The following HECW2 variants were observed in gnomAD, a reference collection of about 807,000 sequenced individuals.
The protein encoded by HECW2 is E3 ubiquitin-protein ligase HECW2.
A neutral mutation model predicts 175.2 loss-of-function variants in HECW2; 61 were observed. The observed-to-expected ratio is 0.35, with a 90% confidence interval of 0.28 to 0.43. The LOEUF is 0.43. Among genes scored for constraint, HECW2 ranks in the 20% least tolerant of loss-of-function variants. The pLI, the probability that HECW2 is intolerant of heterozygous loss-of-function variation, is 1.00. For missense variants in HECW2, 1,524 were observed against 2,000.5 expected (o/e 0.76, Z 4.54); for synonymous variants, 671 against 731.0 (o/e 0.92, Z 1.32).
At chr2:196,364,728 T>G (rs1203882000) in intron 2 of HECW2, among the ~76,000 whole-genome samples, 1 of 152,202 alleles carries the variant, frequency 6.6e-6, no homozygotes, top group Non-Finnish European at 1.5e-5. Flanking sequence ...GCTTATATTT[T>G]AAAGAGAAAA....
chr2:196,593,003 C>G (rs1415704935), intron 1 of HECW2, among the ~76,000 whole-genome samples: 1 of 151,772 alleles, frequency 6.6e-6, no homozygotes, highest in Non-Finnish European at 1.5e-5. Flanking sequence ...GACCCCGAGA[C>G]CGCGAGAAGC....
chr2:196,488,781 C>G (rs968693156), intron 1 of HECW2, among the ~76,000 whole-genome samples: 1 of 152,026 alleles, frequency 6.6e-6, no homozygotes, highest in African/African-American at 2.4e-5. Context: ...TCCTACTTTT[C>G]TACAATGACC....
At chr2:196,585,818 T>A (rs1258629717) in intron 1 of HECW2, among the ~76,000 whole-genome samples, 1 of 152,176 alleles carries the variant, frequency 6.6e-6, no homozygotes, top group Non-Finnish European at 1.5e-5. Context: ...CAATAAAGAT[T>A]ATGTCCTGAA....
chr2:196,263,207 A>T (rs539584699), intron 17 of HECW2: 1 of 152,316 alleles, frequency 6.6e-6, no homozygotes, highest in African/African-American at 2.4e-5. Flanking sequence ...AAACTCAGGA[A>T]AAAGTCTCCA....
At chr2:196,299,822 G>A (rs1293208487) in intron 13 of HECW2, among the ~76,000 whole-genome samples, 8 of 152,000 alleles carry the variant, frequency 5.3e-5, no homozygotes, top group Non-Finnish European at 1.0e-4. Flanking sequence ...CCAGCTACCC[G>A]GGAGGCTGAG....
intron 1 of HECW2, among the ~76,000 whole-genome samples, chr2:196,497,572 C>A (rs1451196364): frequency 6.6e-6 from 1 of 152,110 alleles, no homozygotes; most frequent in East Asian, 1.9e-4. Flanking sequence ...GCCTTAGAAG[C>A]AAAAGGTTTT....
intron 18 of HECW2, among the ~76,000 whole-genome samples, chr2:196,257,429 A>G (rs1689103581): frequency 2.0e-5 from 1 of 48,886 alleles, no homozygotes; most frequent in Non-Finnish European, 8.2e-5. Context: ...TGAGTCAGCA[A>G]AAGGGGACAA....
chr2:196,413,593 C>A (rs1196719598), intron 2 of HECW2, among the ~76,000 whole-genome samples: 3 of 152,170 alleles, frequency 2.0e-5, no homozygotes, highest in African/African-American at 2.4e-5. Flanking sequence ...GATACACCCG[C>A]CTTGGCCTCC....
intron 6 of HECW2, among the ~76,000 whole-genome samples, chr2:196,324,559 A>C (rs1692074597): frequency 6.6e-6 from 1 of 152,314 alleles, no homozygotes; most frequent in Non-Finnish European, 1.5e-5. Flanking sequence ...GCTACAACAA[A>C]ATATCAAAAT....
chr2:196,283,108 A>T (rs1364328863), intron 14 of HECW2, among the ~76,000 whole-genome samples: 1 of 151,448 alleles, frequency 6.6e-6, no homozygotes, highest in East Asian at 2.0e-4. Flanking sequence ...AAAATATACA[A>T]AAAGTTAGCT....
intron 18 of HECW2, among the ~76,000 whole-genome samples, chr2:196,255,129 C>G (rs1026260887): frequency 1.4e-5 from 2 of 139,926 alleles, no homozygotes; most frequent in Admixed American, 7.6e-5. Flanking sequence ...CGAGTCACCA[C>G]GTTCAGCTAA....
chr2:196,566,699 A>ATTTTTTTTTTTTTTTTTTTTTTT (rs58391487), intron 1 of HECW2, among the ~76,000 whole-genome samples: 2 of 94,206 alleles, frequency 2.1e-5, no homozygotes, highest in Non-Finnish European at 4.0e-5. Context: ...CACCCAGCTA[A>ATTTTTTTTTTTTTTTTTTTTTTT]TTTTTTTTTT....
intron 13 of HECW2, among the ~76,000 whole-genome samples, chr2:196,297,829 A>G (rs981328695): frequency 1.3e-5 from 2 of 152,232 alleles, no homozygotes; most frequent in Non-Finnish European, 2.9e-5. Context: ...AAATGTTTGC[A>G]TAATATGTAT....
chr2:196,518,583 A>T (rs1688232272), intron 1 of HECW2, among the ~76,000 whole-genome samples: 1 of 150,610 alleles, frequency 6.6e-6, no homozygotes, highest in African/African-American at 2.5e-5. Flanking sequence ...TGAACCCGGG[A>T]AGCAGAGGTT....
chr2:196,317,174 G>A (rs1691729452), intron 10 of HECW2, 100 bp downstream of exon 10: 2 of 914,172 alleles, frequency 2.2e-6, no homozygotes, highest in Non-Finnish European at 3.5e-6. Flanking sequence ...CCTTCCGCTT[G>A]AAGACCATGT....
chr2:196,300,648 A>T (rs1364974288), intron 13 of HECW2, among the ~76,000 whole-genome samples: 2 of 152,222 alleles, frequency 1.3e-5, no homozygotes, highest in Non-Finnish European at 2.9e-5. Flanking sequence ...ATTATAAGTC[A>T]GGAAGTGTGA....
At chr2:196,397,689 G>A (rs6713635) in intron 2 of HECW2, among the ~76,000 whole-genome samples, 88,664 of 152,078 alleles carry the variant, frequency 0.58, 29,196 homozygotes, top group East Asian at 0.84. Flanking sequence ...ATGTTTTCCC[G>A]TTTAAATTAA....
chr2:196,273,125 T>A (rs191068781), intron 16 of HECW2, among the ~76,000 whole-genome samples: 1 of 144,866 alleles, frequency 6.9e-6, no homozygotes, highest in African/African-American at 2.6e-5. Context: ...TGGAGTGCAG[T>A]GGTGCAATCT....
intron 1 of HECW2, among the ~76,000 whole-genome samples, chr2:196,460,486 C>CTT (rs3082153): frequency 7.0e-6 from 1 of 142,890 alleles, no homozygotes. Context: ...CCGATTAAAC[C>CTT]TTTTTTTTTT....
Sources: allele counts gnomAD v4.1 joint callset (sites outside exome capture counted in the v4.1 genomes callset), GRCh38; gene constraint gnomAD v4.1.1; transcripts MANE v1.5; gene names NCBI Gene and HGNC (gene_info 2026-07-23, HGNC 2026-07-21).